Variants in ZNF738 observed in about 807,000 individuals in gnomAD.
The protein encoded by ZNF738 is zinc finger protein 738.
Under a neutral mutation model 9.2 loss-of-function variants are expected in ZNF738, and 10 were observed. The ratio of observed to expected loss-of-function variants is 1.09; its 90% CI spans 0.67 to 1.85. ZNF738 has a LOEUF of 1.85. ZNF738 is among the 40% of genes most tolerant of loss of function. The pLI, the probability that ZNF738 is intolerant of heterozygous loss-of-function variation, is 0.00. For synonymous variants in ZNF738, 113 were observed against 94.5 expected (o/e 1.20, Z -1.14); for missense variants, 346 against 283.6 (o/e 1.22, Z -1.58).
chr19:21,365,034 A>C (rs2145220818), intron 2 of ZNF738, among the ~76,000 whole-genome samples: 1 of 150,654 alleles, frequency 6.6e-6, no homozygotes, highest in Admixed American at 6.7e-5. Flanking sequence ...CTGGGATTAC[A>C]GGCATGAGCC....
At chr19:21,368,423 G>A (rs566646803) in intron 2 of ZNF738, among the ~76,000 whole-genome samples, 18 of 152,050 alleles carry the variant, frequency 1.2e-4, no homozygotes, top group African/African-American at 4.3e-4. Flanking sequence ...TAATCTTGGT[G>A]TTTTTTGTTT....
chr19:21,360,065 C>T (rs1054861299), intron 1 of ZNF738, among the ~76,000 whole-genome samples: 6 of 152,068 alleles, frequency 3.9e-5, no homozygotes, highest in Admixed American at 2.6e-4. Context: ...TTAATTTGTA[C>T]ATTAAAGGTG....
rs1973699859 is a variant in ZNF738, at chr19:21,361,843, C to T, written c.81C>T (p.Tyr27=). Residue 27 remains tyrosine, a synonymous_variant, in exon 2 of 5, where the codon TAC becomes TAT. Transcript: ENST00000683779. ...YPGAERNLLE[Y]SYFEKGPLTF... ...GGGCTGAGAGGAATCTTCTGGAGTA[C>T]TCTTATTTTGAAAAGGTAACCCCTT... 1 of 780,050 alleles carries T rather than the reference C, an allele frequency of 1.3e-6. No individual in the cohort carries two copies. The highest frequency in any genetic ancestry group is 1.7e-5 in the African/African-American group (1 of 59,160). The allele number at this position is 780,050 out of a possible 1,614,324, so 48.3% of individuals were successfully genotyped here. A position where few individuals can be genotyped will look rare whatever the true frequency, so the allele number is the denominator to read the frequency against.
chr19:21,377,483 G>A (rs781740047), intron 4 of ZNF738: 5 of 700,052 alleles, frequency 7.1e-6, no homozygotes, highest in Non-Finnish European at 1.3e-5. Context: ...TGGAACCTTA[G>A]TGTGACATAC....
chr19:21,361,880 A>G, intron 2 of ZNF738, 22 bp downstream of exon 2: 1 of 767,526 alleles, frequency 1.3e-6, no homozygotes. Context: ...ATATGTTAAA[A>G]TTGTCTTTGG....
At chr19:21,373,763 A>T (rs1487708548) in intron 2 of ZNF738, among the ~76,000 whole-genome samples, 1 of 147,742 alleles carries the variant, frequency 6.8e-6, no homozygotes, top group Non-Finnish European at 1.5e-5. Flanking sequence ...AAGAAGACAA[A>T]AGAGGAAAAA....
At position 21,359,031 on chromosome 19, in the gene ZNF738, G is replaced by T. The variant is rs948745401; in HGVS notation, c.-110G>T. 13 of 795,342 alleles carry T rather than the reference G, an allele frequency of 1.6e-5. No homozygotes were observed. The highest frequency in any genetic ancestry group is 3.0e-5 in the Non-Finnish European group (13 of 440,558). 49.3% of individuals were successfully genotyped at this position (795,342 alleles called of 1,614,324 possible). A position where few individuals can be genotyped will look rare whatever the true frequency, so the allele number is the denominator to read the frequency against. On this transcript the variant is annotated 5_prime_UTR_variant, in exon 1 of 5. Transcript: ENST00000683779. ...GGCTGCCGCTGGAACTCCGGGTCTCGTCTTCACTGCTCTGTGTCCTCTGCT... is the reference window on the plus strand; with the variant it reads ...GGCTGCCGCTGGAACTCCGGGTCTCTTCTTCACTGCTCTGTGTCCTCTGCT...
At chr19:21,362,691 C>A (rs922329982) in intron 2 of ZNF738, among the ~76,000 whole-genome samples, 1 of 152,066 alleles carries the variant, frequency 6.6e-6, no homozygotes, top group East Asian at 1.9e-4. Flanking sequence ...GCATAAAAGA[C>A]GTGGGATTCA....
At position 21,387,790 on chromosome 19, in the gene ZNF738, A is replaced by G. The variant is rs908988440; in HGVS notation, c.*4116A>G. On this transcript the variant is annotated 3_prime_UTR_variant, in exon 5 of 5. Transcript: ENST00000683779. ...ACATTACAAACATAAAGAGGGTTGT[A>G]GTACCTTTACTTGAATCAAATTTTA... Among the ~76,000 whole-genome samples, 1 of 152,252 alleles carries G rather than the reference A, an allele frequency of 6.6e-6. No homozygotes were observed. The highest frequency in any genetic ancestry group is 2.4e-5 in the African/African-American group (1 of 41,476).
At chr19:21,363,375 A>C (rs1973725939) in intron 2 of ZNF738, among the ~76,000 whole-genome samples, 1 of 152,112 alleles carries the variant, frequency 6.6e-6, no homozygotes, top group South Asian at 2.1e-4. Context: ...AGGTCCAGTT[A>C]GTTTTTTCTG....
chr19:21,362,692 G>A (rs1194393464), intron 2 of ZNF738, among the ~76,000 whole-genome samples: 5 of 152,166 alleles, frequency 3.3e-5, no homozygotes, highest in Admixed American at 6.5e-5. Flanking sequence ...CATAAAAGAC[G>A]TGGGATTCAA....
chr19:21,377,304 C>CT (rs1318154180), intron 4 of ZNF738: 3 of 531,778 alleles, frequency 5.6e-6, no homozygotes, highest in Non-Finnish European at 1.0e-5. Flanking sequence ...CAAACTCCAT[C>CT]TAAAAAAAAA....
Position 21,384,468 on chromosome 19 carries a change from C to G in ZNF738, c.*794C>G, listed in dbSNP as rs1316356589. ...CTACCAATTCTCATACCTTACTACA[C>G]ATAAGATGATTCATACTGGAGAGAG... On this transcript the variant is annotated 3_prime_UTR_variant, in exon 5 of 5. Transcript: ENST00000683779. 6.6e-6 allele frequency among the ~76,000 whole-genome samples: 1 copy of G among 152,140 alleles called. No individual in the cohort carries two copies. Among genetic ancestry groups the G allele is most frequent in the Non-Finnish European group, 1.5e-5 (1 of 68,026 alleles).
chr19:21,374,418 C>T (rs1403094794), intron 2 of ZNF738, among the ~76,000 whole-genome samples: 2 of 152,170 alleles, frequency 1.3e-5, no homozygotes, highest in Non-Finnish European at 2.9e-5. Flanking sequence ...GGCAATATCT[C>T]AGTAATGATG....
At chr19:21,374,924 T>C (rs1973905503) in intron 2 of ZNF738, among the ~76,000 whole-genome samples, 2 of 152,186 alleles carry the variant, frequency 1.3e-5, no homozygotes, top group Non-Finnish European at 2.9e-5. Context: ...CTAAAAAATA[T>C]GCACTACTCA....
At chr19:21,360,508 C>CAA (rs1973670098) in intron 1 of ZNF738, 1 of 152,956 alleles carries the variant, frequency 6.5e-6, no homozygotes, top group Admixed American at 6.5e-5. Context: ...GGCTGGAGTG[C>CAA]AATGGCGCGA....
intron 2 of ZNF738, chr19:21,372,789 A>T (rs2145229920): frequency 6.6e-6 from 1 of 152,356 alleles, no homozygotes; most frequent in African/African-American, 2.4e-5. Context: ...GCTCTGCAAC[A>T]TACTATTGAG....
intron 2 of ZNF738, among the ~76,000 whole-genome samples, chr19:21,367,077 A>G (rs6511232): frequency 0.57 from 86,021 of 152,078 alleles, 24,626 homozygotes; most frequent in Middle Eastern, 0.69. Context: ...TAAATAAGGA[A>G]AGAGAGCACC....
chr19:21,361,688 T>C, intron 1 of ZNF738, 78 bp from the exon 2 acceptor site: 1 of 748,138 alleles, frequency 1.3e-6, no homozygotes, highest in Non-Finnish European at 2.5e-6. Flanking sequence ...TATCTGGGGA[T>C]AAACCGAGAT....
Sources: gnomAD v4.1 joint callset for allele counts (sites outside exome capture counted in the v4.1 genomes callset) on GRCh38, gnomAD v4.1.1 for gene constraint, MANE v1.5 for transcripts, NCBI Gene and HGNC (gene_info 2026-07-23, HGNC 2026-07-21) for gene names.